Variants in SENP2 observed in about 807,000 individuals in gnomAD.
SENP2 encodes the protein sentrin-specific protease 2.
SENP2 carries 16 observed loss-of-function variants against 86.3 expected under a neutral mutation model. That is an observed-to-expected ratio of 0.19 (90% confidence interval 0.13 to 0.28). The LOEUF is 0.28. SENP2 is among the 10% of genes least tolerant of loss of function. SENP2 has a pLI of 1.00. For missense variants in SENP2, 552 were observed against 703.0 expected (o/e 0.79, Z 2.43); for synonymous variants, 222 against 238.7 (o/e 0.93, Z 0.64).
chr3:185,592,687 G>A (rs1722047169), intron 2 of SENP2, among the ~76,000 whole-genome samples: 1 of 151,432 alleles, frequency 6.6e-6, no homozygotes, highest in African/African-American at 2.4e-5. Flanking sequence ...CACATTCTCG[G>A]CCCACTGCAA....
rs1486982111 is a variant in SENP2, at chr3:185,632,230, T to G, written c.*2386T>G. 9.0e-6 allele frequency: 1 copy of G among 111,486 alleles called. No individual in the cohort carries two copies. The highest frequency in any genetic ancestry group is 3.4e-5 in the African/African-American group (1 of 29,582). 6.9% of individuals were successfully genotyped at this position (111,486 alleles called of 1,614,324 possible). ...AGCCAGTGGTTTTTTTTTTGTTTTT[T>G]TTTTTTGTTTTTTTTTTTTTTTTTT... On this transcript the variant is annotated 3_prime_UTR_variant, in exon 17 of 17. Transcript: ENST00000296257.
At chr3:185,596,784 C>G (rs2148982750) in intron 2 of SENP2, among the ~76,000 whole-genome samples, 1 of 152,294 alleles carries the variant, frequency 6.6e-6, no homozygotes, top group South Asian at 2.1e-4. Flanking sequence ...TTCTGCCGTA[C>G]TCGGTGGCTA....
intron 13 of SENP2, 80 bp downstream of exon 13, chr3:185,619,582 C>A: frequency 8.7e-7 from 1 of 1,150,564 alleles, no homozygotes; most frequent in South Asian, 1.3e-5. Context: ...TTTTTCTGCC[C>A]TGTGTATAGA....
At chr3:185,608,683 T>G (rs1450142435) in intron 6 of SENP2, among the ~76,000 whole-genome samples, 1 of 152,024 alleles carries the variant, frequency 6.6e-6, no homozygotes, top group Non-Finnish European at 1.5e-5. Flanking sequence ...GGGCAAACCA[T>G]CAGTATGATG....
At chr3:185,599,955 C>T (rs1722292078) in intron 4 of SENP2, among the ~76,000 whole-genome samples, 1 of 151,880 alleles carries the variant, frequency 6.6e-6, no homozygotes, top group Non-Finnish European at 1.5e-5. Flanking sequence ...TGCGCCACCA[C>T]CCTGGCTAAT....
At position 185,601,041 on chromosome 3, in the gene SENP2, C is replaced by CT. The variant is rs11315344; in HGVS notation, c.449+206dup. Among the ~76,000 whole-genome samples the CT allele has an allele frequency of 1.1e-3, 81 of 75,502 alleles. 2 individuals are homozygous for CT. Among genetic ancestry groups the CT allele is most frequent in the African/African-American group, 3.7e-3 (64 of 17,132 alleles). 49.5% of individuals were successfully genotyped at this position (75,502 alleles called of 152,430 possible). ...GGTGTGTTATATTTTCTTTTCTTGTCTTTTTTTTTTTTTTTTTTTTGCGAT... is the reference window on the plus strand; with the variant it reads ...GGTGTGTTATATTTTCTTTTCTTGTCTTTTTTTTTTTTTTTTTTTTTGCGAT... On this transcript the variant is annotated intron_variant, in intron 5 of 16. Transcript: ENST00000296257.
chr3:185,631,883 T>A lies in SENP2; in HGVS notation c.*2039T>A, dbSNP rs7647296. On this transcript the variant is annotated 3_prime_UTR_variant, in exon 17 of 17. Transcript: ENST00000296257. ...AGCTTAATGTATTATTTTGAGGGGC[T>A]TCTTCAGAGCAGTTCTCACTGAGCT... 0.076 allele frequency: 11,479 copies of A among 151,124 alleles called. 568 individuals are homozygous for A. Among genetic ancestry groups the A allele is most frequent in the East Asian group, 0.25 (1,259 of 4,948 alleles). The allele number at this position is 151,124 out of a possible 1,614,324, so 9.4% of individuals were successfully genotyped here.
At chr3:185,627,027 C>T (rs933406299) in intron 16 of SENP2, among the ~76,000 whole-genome samples, 2 of 142,812 alleles carry the variant, frequency 1.4e-5, no homozygotes, top group African/African-American at 5.3e-5. Context: ...TGTGGTGAGC[C>T]GAGATCGTGC....
At chr3:185,613,632 AC>A in intron 10 of SENP2, 1 of 307,848 alleles carries the variant, frequency 3.2e-6, no homozygotes, top group Non-Finnish European at 6.0e-6. Flanking sequence ...GGAGTTTGAG[AC>A]CAGCCTGGGC....
intron 1 of SENP2, among the ~76,000 whole-genome samples, chr3:185,588,176 G>A (rs1258109527): frequency 6.8e-6 from 1 of 146,616 alleles, no homozygotes; most frequent in Non-Finnish European, 1.5e-5. Context: ...TCCTGCCTCA[G>A]CCTCCCGAGT....
In SENP2 at chr3:185,630,754, T is replaced by G. The variant is rs961656765; in HGVS notation, c.*910T>G. ...ATTGTAGGGGCTGGCCTGAGCTGTT[T>G]ATTTCAAAAGATACTATTCAATTTA... On this transcript the variant is annotated 3_prime_UTR_variant, in exon 17 of 17. Coordinates refer to ENST00000296257, the MANE Select transcript of SENP2 (RefSeq NM_021627.3). 2 of 152,648 alleles carry G rather than the reference T, an allele frequency of 1.3e-5. No individual in the cohort carries two copies. Among genetic ancestry groups the G allele is most frequent in the African/African-American group, 4.8e-5 (2 of 41,460 alleles). 9.5% of individuals were successfully genotyped at this position (152,648 alleles called of 1,614,324 possible).
chr3:185,591,116 A>G (rs910573510), intron 2 of SENP2, among the ~76,000 whole-genome samples: 1 of 151,120 alleles, frequency 6.6e-6, no homozygotes, highest in African/African-American at 2.4e-5. Context: ...CGTGTTAGCC[A>G]GGATGGTCTC....
chr3:185,587,263 G>A (rs956073643), intron 1 of SENP2, among the ~76,000 whole-genome samples: 2 of 152,050 alleles, frequency 1.3e-5, no homozygotes, highest in Non-Finnish European at 2.9e-5. Flanking sequence ...CTCCCAAGTA[G>A]CTGGGATTGC....
intron 13 of SENP2, among the ~76,000 whole-genome samples, chr3:185,620,059 T>C (rs1711786823): frequency 1.3e-5 from 2 of 151,488 alleles, no homozygotes; most frequent in African/African-American, 2.4e-5. Context: ...TTTTCTTTTT[T>C]TTTTTTAAAT....
rs1711752235 is a variant in SENP2, at chr3:185,619,334, A to G, written c.1278A>G (p.Arg426=). 1.2e-6 allele frequency: 2 copies of G among 1,614,022 alleles called. No homozygotes were observed. ...INFYMNLLVE[R]NKKQGYPALH... ...TTTACATGAATCTTCTGGTGGAAAG[A>G]AATAAAAAGCAAGGCTATCCAGCAC... is the stretch of plus-strand genomic sequence containing the variant. The change falls in exon 13 of 17, where the codon AGA becomes AGG. Residue 426 remains arginine, a synonymous_variant. Transcript: ENST00000296257.
At chr3:185,620,708 G>T (rs933915375) in intron 13 of SENP2, among the ~76,000 whole-genome samples, 2 of 151,362 alleles carry the variant, frequency 1.3e-5, no homozygotes, top group African/African-American at 4.9e-5. Flanking sequence ...CTCCCAAAGT[G>T]CTGGGATTAT....
intron 2 of SENP2, among the ~76,000 whole-genome samples, chr3:185,597,542 C>G (rs764991150): frequency 2.7e-5 from 4 of 150,630 alleles, no homozygotes; most frequent in African/African-American, 4.9e-5. Flanking sequence ...TCAGTAGGGA[C>G]GGGGTTTCAC....
rs141145008 is a variant in SENP2 at position 185,609,927 on chromosome 3, G to C, written c.722+577G>C. On this transcript the variant is annotated intron_variant, in intron 7 of 16. Coordinates refer to ENST00000296257, the MANE Select transcript of SENP2 (RefSeq NM_021627.3). ...CAGGTCATAACAATTTTCCTTATAG[G>C]ACAGCTTGTTAATTAAATAATGATT... is the stretch of plus-strand genomic sequence containing the variant. Among the ~76,000 whole-genome samples the C allele has an allele frequency of 5.9e-5, 9 of 152,136 alleles. No individual in the cohort carries two copies. The East Asian group carries it at 1.7e-3, about 29-fold the overall frequency.
At chr3:185,605,189 G>T (rs1278982245) in intron 5 of SENP2, among the ~76,000 whole-genome samples, 1 of 151,458 alleles carries the variant, frequency 6.6e-6, no homozygotes, top group Non-Finnish European at 1.5e-5. Context: ...GGCCAACATG[G>T]TGAAACCCCA....
Sources: allele counts gnomAD v4.1 joint callset (sites outside exome capture counted in the v4.1 genomes callset), GRCh38; gene constraint gnomAD v4.1.1; transcripts MANE v1.5; gene names NCBI Gene and HGNC (gene_info 2026-07-23, HGNC 2026-07-21).